KSR1: variants seen among roughly 807,000 people sequenced by gnomAD.
KSR1 encodes kinase suppressor of ras 1.
Under a neutral mutation model 92.9 loss-of-function variants are expected in KSR1, and 35 were observed. The observed-to-expected ratio is 0.38, with a 90% CI of 0.29 to 0.50. The LOEUF is 0.50. KSR1 is among the 20% of genes least tolerant of loss of function. The pLI, the probability that KSR1 is intolerant of heterozygous loss-of-function variation, is 0.94. For missense variants in KSR1, 972 were observed against 1,158.5 expected, an observed-to-expected ratio of 0.84 and a Z score of 2.34; for synonymous variants, 467 against 472.6, an observed-to-expected ratio of 0.99 and a Z score of 0.15.
chr17:27,596,895 T>A (rs976631094), intron 9 of KSR1, among the ~76,000 whole-genome samples: 11 of 152,094 alleles, frequency 7.2e-5, no homozygotes, highest in Admixed American at 7.2e-4. Flanking sequence ...CACAAGGTAG[T>A]GGGAGAGACT....
chr17:27,609,154 G>A lies in KSR1; in HGVS notation c.2092-42G>A, dbSNP rs182766087. On this transcript the variant is annotated intron_variant, in intron 15 of 20. Coordinates refer to ENST00000644974, the MANE Select transcript of KSR1 (RefSeq NM_001394583.1). ...TCATCCAGCCCAGGGTGGCACCTCC[G>A]TCATCGTTGCACATCTTCACTCCTC... is the stretch of plus-strand genomic sequence containing the variant. 1.2e-4 allele frequency: 198 copies of A among 1,588,214 alleles called. No homozygotes were observed. The African/African-American group carries it at 1.8e-3, about 15-fold the overall frequency.
intron 4 of KSR1, among the ~76,000 whole-genome samples, 175 bp from the exon 5 acceptor site, chr17:27,585,482 G>A (rs1384345386): frequency 6.6e-6 from 1 of 152,130 alleles, no homozygotes; most frequent in Non-Finnish European, 1.5e-5. Context: ...TTGAGGAAAT[G>A]TCCCCACAGA....
Position 27,609,904 on chromosome 17 carries a change from C to T in KSR1, c.2226-163C>T, listed in dbSNP as rs556405394. On this transcript the variant is annotated intron_variant, in intron 16 of 20. Coordinates refer to ENST00000644974, the MANE Select transcript of KSR1 (RefSeq NM_001394583.1). ...ACTCCTTTGTAGAATTCCTCAAAAG[C>T]ACCGGTGCCTTTCCCAAGTGCAGGG... 1.6e-5 allele frequency: 12 copies of T among 771,560 alleles called. No individual in the cohort carries two copies. The African/African-American group carries it at 1.9e-4, about 12-fold the overall frequency. 47.8% of individuals were successfully genotyped at this position (771,560 alleles called of 1,614,324 possible).
intron 5 of KSR1, among the ~76,000 whole-genome samples, chr17:27,586,845 A>G (rs2151180271): frequency 6.6e-6 from 1 of 152,330 alleles, no homozygotes; most frequent in East Asian, 1.9e-4. Flanking sequence ...CTAGGCTGGT[A>G]GCTGGCACCT....
chr17:27,490,106 T>C (rs2150959711), intron 1 of KSR1, among the ~76,000 whole-genome samples: 1 of 152,352 alleles, frequency 6.6e-6, no homozygotes, highest in East Asian at 1.9e-4. Context: ...GGTCCATTCC[T>C]CTCTACCTGT....
intron 14 of KSR1, among the ~76,000 whole-genome samples, chr17:27,606,665 C>G (rs1383287528): frequency 1.3e-5 from 2 of 151,990 alleles, no homozygotes; most frequent in Non-Finnish European, 2.9e-5. Flanking sequence ...TGTAAATACT[C>G]TCACCATGGT....
chr17:27,606,844 A>G (rs1446250919), intron 14 of KSR1, among the ~76,000 whole-genome samples: 4 of 151,944 alleles, frequency 2.6e-5, no homozygotes, highest in African/African-American at 9.7e-5. Context: ...TTAATTAATG[A>G]TAAACTAGAC....
intron 2 of KSR1, among the ~76,000 whole-genome samples, chr17:27,562,277 T>C (rs2071863295): frequency 1.3e-5 from 2 of 152,182 alleles, no homozygotes; most frequent in Admixed American, 1.3e-4. Flanking sequence ...GTGCCTGGCA[T>C]GTGGTGGGTT....
intron 1 of KSR1, among the ~76,000 whole-genome samples, chr17:27,534,969 A>C (rs2070702144): frequency 6.6e-6 from 1 of 152,184 alleles, no homozygotes; most frequent in Admixed American, 6.5e-5. Flanking sequence ...GGCTGTGGCT[A>C]ATCAGTGACC....
At chr17:27,567,419 C>T (rs1168208196) in intron 2 of KSR1, among the ~76,000 whole-genome samples, 3 of 152,162 alleles carry the variant, frequency 2.0e-5, no homozygotes, top group Non-Finnish European at 4.4e-5. Context: ...AGTGAAACCT[C>T]GTCTCTTTTT....
chr17:27,605,320 C>A, intron 13 of KSR1, 114 bp from the exon 14 acceptor site: 3 of 1,373,588 alleles, frequency 2.2e-6, no homozygotes, highest in South Asian at 2.7e-5. Context: ...CAACCTGGGT[C>A]CCCTGGCAGG....
At chr17:27,554,346 A>G (rs965024772) in intron 2 of KSR1, among the ~76,000 whole-genome samples, 1 of 152,204 alleles carries the variant, frequency 6.6e-6, no homozygotes, top group Non-Finnish European at 1.5e-5. Context: ...CCCATCCCCC[A>G]GGCCACTGAC....
At chr17:27,553,831 G>T (rs2071491954) in intron 2 of KSR1, among the ~76,000 whole-genome samples, 1 of 152,204 alleles carries the variant, frequency 6.6e-6, no homozygotes, top group Non-Finnish European at 1.5e-5. Flanking sequence ...GGGCTACCTT[G>T]GTTCAGTTCT....
rs1188567343 is a variant in KSR1, at chr17:27,624,477, T to G, written c.*1085T>G. The G allele has an allele frequency of 1.3e-5, 2 of 152,326 alleles. No individual in the cohort carries two copies. The highest frequency in any genetic ancestry group is 2.9e-5 in the Non-Finnish European group (2 of 68,140). 9.4% of individuals were successfully genotyped at this position (152,326 alleles called of 1,614,324 possible). On this transcript the variant is annotated 3_prime_UTR_variant, in exon 21 of 21. Transcript: ENST00000644974. Reference sequence around the variant, plus strand: ...TGTGTGGGCTATCACCCCTTTCATTTAGACCTACCTAGCTGGCCCCCATCT... The same window carrying G: ...TGTGTGGGCTATCACCCCTTTCATTGAGACCTACCTAGCTGGCCCCCATCT...
intron 1 of KSR1, among the ~76,000 whole-genome samples, chr17:27,533,192 TC>T (rs1299711639): frequency 1.3e-5 from 2 of 152,136 alleles, no homozygotes; most frequent in East Asian, 3.9e-4. Flanking sequence ...ATGGGACTGT[TC>T]CTCATCCTCA....
chr17:27,603,434 G>A (rs972091278), intron 11 of KSR1, among the ~76,000 whole-genome samples: 3 of 152,264 alleles, frequency 2.0e-5, no homozygotes, highest in Non-Finnish European at 4.4e-5. Flanking sequence ...GTTGCAAGCA[G>A]CCCCTGCTTC....
intron 6 of KSR1, among the ~76,000 whole-genome samples, chr17:27,590,574 C>T (rs1477026291): frequency 6.6e-6 from 1 of 152,182 alleles, no homozygotes; most frequent in Non-Finnish European, 1.5e-5. Context: ...ATTGGTACTG[C>T]CAGATGACCA....
At chr17:27,572,184 C>T (rs1031778594) in intron 2 of KSR1, among the ~76,000 whole-genome samples, 10 of 152,246 alleles carry the variant, frequency 6.6e-5, no homozygotes, top group African/African-American at 2.2e-4. Context: ...GAAAGAATAA[C>T]TTAATCCCAC....
intron 1 of KSR1, among the ~76,000 whole-genome samples, chr17:27,541,539 T>C (rs1320337055): frequency 6.6e-6 from 1 of 152,192 alleles, no homozygotes; most frequent in African/African-American, 2.4e-5. Flanking sequence ...ATTCACTGCC[T>C]GGAACAGTCT....
Sources: allele counts gnomAD v4.1 joint callset (sites outside exome capture counted in the v4.1 genomes callset), GRCh38; gene constraint gnomAD v4.1.1; transcripts MANE v1.5; gene names NCBI Gene and HGNC (gene_info 2026-07-23, HGNC 2026-07-21).